SHPK: variants seen among roughly 807,000 people sequenced by gnomAD.
SHPK encodes carbohydrate kinase-like protein.
In SHPK, 51 loss-of-function variants were observed where a neutral mutation model predicts 46.3. That is an observed-to-expected ratio of 1.10 (90% CI 0.88 to 1.39). The LOEUF (loss-of-function observed/expected upper bound fraction) is 1.39. Ranked by LOEUF, SHPK falls within the 40% of genes most tolerant of loss-of-function variation. The pLI is 0.00. For synonymous variants in SHPK, 290 were observed against 273.9 expected (o/e 1.06, Z -0.58); for missense variants, 668 against 641.3 (o/e 1.04, Z -0.45).
At position 3,623,398 on chromosome 17, in the gene SHPK, G is replaced by A; in HGVS notation, c.588C>T (p.Asp196=). The change falls in exon 4 of 7, where the codon GAC becomes GAT. Residue 196 remains aspartate (D), a synonymous_variant. Coordinates refer to ENST00000225519, the MANE Select transcript of SHPK (RefSeq NM_013276.4). ...LCGLPRPLMS[D]QNAASWGYFN... is the part of the protein sequence containing the mutation. ...AATAGCCCCAGCTGGCAGCATTCTGGTCGGACATCAGAGGTCTTGGCAAGC... is the reference window on the plus strand; with the variant it reads ...AATAGCCCCAGCTGGCAGCATTCTGATCGGACATCAGAGGTCTTGGCAAGC... 6.2e-7 allele frequency: 1 copy of A among 1,614,186 alleles called. No individual in the cohort carries two copies. The highest frequency in any genetic ancestry group is 8.5e-7 in the Non-Finnish European group (1 of 1,179,998).
intron 1 of SHPK, among the ~76,000 whole-genome samples, chr17:3,635,574 T>C (rs1405988707): frequency 6.6e-6 from 1 of 152,116 alleles, no homozygotes; most frequent in East Asian, 1.9e-4. Context: ...TTCTGTGGAA[T>C]GAGCCAGGAG....
At chr17:3,627,673 A>C (rs1039566299) in intron 2 of SHPK, among the ~76,000 whole-genome samples, 2 of 151,674 alleles carry the variant, frequency 1.3e-5, no homozygotes, top group Non-Finnish European at 2.9e-5. Context: ...GCTCAATAAA[A>C]TATTAAGCAG....
intron 1 of SHPK, 108 bp from the exon 2 acceptor site, chr17:3,630,454 C>T (rs161361): frequency 0.39 from 452,400 of 1,152,906 alleles, 95,193 homozygotes; most frequent in East Asian, 0.68. Flanking sequence ...AGCATCCACT[C>T]CCTAACTTCA....
rs78347986 is a variant in SHPK, at chr17:3,609,861, G to A, written c.*699C>T. ...TCTCCTTCTCGCAACCTGCCTTCCA[G>A]GCAGTTGTGCTGTGAAGACCTGGGC... On this transcript the variant is annotated 3_prime_UTR_variant, in exon 7 of 7. Coordinates refer to ENST00000225519, the MANE Select transcript of SHPK (RefSeq NM_013276.4). The A allele has an allele frequency of 0.037, 5,603 of 152,746 alleles. 127 individuals are homozygous for A. The highest frequency in any genetic ancestry group is 0.082 in the Middle Eastern group (24 of 294). 9.5% of individuals were successfully genotyped at this position (152,746 alleles called of 1,614,324 possible).
At chr17:3,630,096 T>C (rs2075461126) in intron 2 of SHPK, 109 bp downstream of exon 2, 5 of 1,366,942 alleles carry the variant, frequency 3.7e-6, no homozygotes, top group Non-Finnish European at 5.2e-6. Flanking sequence ...AACAAGACCC[T>C]ATTCCCACTG....
chr17:3,611,810 T>G (rs1451981824), intron 6 of SHPK, among the ~76,000 whole-genome samples: 8 of 147,896 alleles, frequency 5.4e-5, no homozygotes, highest in Non-Finnish European at 1.2e-4. Context: ...TTTTTTTTTT[T>G]TTTTTTTTTT....
intron 5 of SHPK, among the ~76,000 whole-genome samples, chr17:3,620,075 T>C (rs1421890714): frequency 1.1e-4 from 17 of 152,240 alleles, no homozygotes. Flanking sequence ...ATATCGTCTA[T>C]GGCTGCTTTT....
At chr17:3,624,833 T>C (rs2075423865) in intron 2 of SHPK, among the ~76,000 whole-genome samples, 1 of 152,060 alleles carries the variant, frequency 6.6e-6, no homozygotes, top group African/African-American at 2.4e-5. Context: ...TTTTGGACTT[T>C]CAGTAGAGAC....
intron 3 of SHPK, 84 bp downstream of exon 3, chr17:3,623,964 A>G: frequency 1.5e-6 from 2 of 1,328,394 alleles, no homozygotes; most frequent in Non-Finnish European, 2.1e-6. Context: ...ACAGCCCAGC[A>G]GGCGGGGTGA....
chr17:3,630,949 C>T (rs2075467254), intron 1 of SHPK, among the ~76,000 whole-genome samples: 1 of 152,182 alleles, frequency 6.6e-6, no homozygotes, highest in African/African-American at 2.4e-5. Flanking sequence ...TAAATGTCAG[C>T]TCTTTGAGGA....
rs763612730 is a variant in SHPK at position 3,623,428 on chromosome 17, C to T, written c.558G>A (p.Leu186=). 22 of 1,614,194 alleles carry T rather than the reference C, an allele frequency of 1.4e-5. 1 individual carries two copies. The highest frequency in any genetic ancestry group is 1.6e-4 in the Middle Eastern group (1 of 6,062). The part of the protein sequence containing the change: ...GTIHDYVVAM[L]CGLPRPLMSD... ...ACATCAGAGGTCTTGGCAAGCCACACAGCATGGCAACCACATAGTCGTGGA... is the reference window on the plus strand; with the variant it reads ...ACATCAGAGGTCTTGGCAAGCCACATAGCATGGCAACCACATAGTCGTGGA... Residue 186 remains leucine (L), a synonymous_variant, in exon 4 of 7, where the codon CTG becomes CTA. Transcript: ENST00000225519.
rs773119171 is a variant in SHPK, at chr17:3,615,346, C to T, written c.1015G>A (p.Ala339Thr). ...GTGGGCCACACCTTACCTAGATCTGCCATCCACTGAACCAGCATGTGGACG... is the reference window on the plus strand; with the variant it reads ...GTGGGCCACACCTTACCTAGATCTGTCATCCACTGAACCAGCATGTGGACG... Reference protein sequence around the residue: ...TFVHMLVQWMADLGLEVEEST... With the variant: ...TFVHMLVQWMTDLGLEVEEST... Residue 339 changes from alanine (A) to threonine (T), a missense_variant, in exon 6 of 7, where the codon GCA becomes ACA. Transcript: ENST00000225519. 3 of 1,614,086 alleles carry T rather than the reference C, an allele frequency of 1.9e-6. No individual in the cohort carries two copies. Among genetic ancestry groups the T allele is most frequent in the South Asian group, 2.2e-5 (2 of 91,084 alleles).
In SHPK at chr17:3,636,155, A is replaced by G. The variant is rs990768133; in HGVS notation, c.65T>C (p.Leu22Pro). 5 of 1,612,068 alleles carry G rather than the reference A, an allele frequency of 3.1e-6. No homozygotes were observed. The African/African-American group carries it at 5.3e-5, about 17-fold the overall frequency. The stretch of plus-strand genomic sequence containing the variant: ...GGATGGGTCGTCGGGCGCGGCCCTC[A>G]GCAGAGCTGCCTTCACAGATGTGGT... Reference protein sequence around the residue: ...LGTTSVKAALLRAAPDDPSGF... With the variant: ...LGTTSVKAALPRAAPDDPSGF... The change falls in exon 1 of 7, where the codon CTG becomes CCG. Residue 22 changes from leucine (L) to proline (P), a missense_variant. Coordinates refer to ENST00000225519, the MANE Select transcript of SHPK (RefSeq NM_013276.4).
In SHPK at chr17:3,623,674, G is replaced by A. The variant is rs115350282; in HGVS notation, c.495-183C>T. On this transcript the variant is annotated intron_variant, in intron 3 of 6. Coordinates refer to ENST00000225519, the MANE Select transcript of SHPK (RefSeq NM_013276.4). ...GGACCTCCCAGCTGCCCCAAGCAAAGCCAGCCTAAGTCAGCCCCAGGGGAA... is the reference window on the plus strand; with the variant it reads ...GGACCTCCCAGCTGCCCCAAGCAAAACCAGCCTAAGTCAGCCCCAGGGGAA... 3.3e-3 allele frequency among the ~76,000 whole-genome samples: 497 copies of A among 152,326 alleles called. 4 individuals carry two copies. The highest frequency in any genetic ancestry group is 0.011 in the African/African-American group (457 of 41,590).
At position 3,610,717 on chromosome 17, in the gene SHPK, AC is replaced by A; in HGVS notation, c.1279del (p.Val427Ter). ...QQLQEWGVER[V>X]MGSGSALSRN... ...GGACAGCGCACTCCCACTGCCCATC[AC>A]CCTCTCCACGCCCCACTCCTGGAGC... On this transcript the variant is annotated frameshift_variant, in exon 7 of 7. Transcript: ENST00000225519. LOFTEE classifies it high-confidence loss of function. 3.1e-6 allele frequency: 5 copies of A among 1,613,882 alleles called. No individual in the cohort carries two copies. Among genetic ancestry groups the A allele is most frequent in the Non-Finnish European group, 4.2e-6 (5 of 1,179,958 alleles).
chr17:3,616,697 A>T (rs1275440346), intron 5 of SHPK, among the ~76,000 whole-genome samples: 1 of 151,976 alleles, frequency 6.6e-6, no homozygotes, highest in Admixed American at 6.5e-5. Context: ...AGTGAATACT[A>T]CTCTTGCTCA....
In SHPK at chr17:3,610,377, G is replaced by T; in HGVS notation, c.*183C>A. 1 of 626,684 alleles carries T rather than the reference G, an allele frequency of 1.6e-6. No individual in the cohort carries two copies. The highest frequency in any genetic ancestry group is 2.7e-6 in the Non-Finnish European group (1 of 369,900). 38.8% of individuals were successfully genotyped at this position (626,684 alleles called of 1,614,324 possible). On this transcript the variant is annotated 3_prime_UTR_variant, in exon 7 of 7. Coordinates refer to ENST00000225519, the MANE Select transcript of SHPK (RefSeq NM_013276.4). ...GCACTCATTTGGGATCTGGCTGACG[G>T]CTCCTGGCTGCATTATTAGAGTATG...
chr17:3,623,380 C>T lies in SHPK; in HGVS notation c.606G>A (p.Trp202Ter). The part of the protein sequence containing the change: ...PLMSDQNAAS[W>*]GYFNTQSQSW... ...TTTGGCTCTGCGTGTTGAAATAGCCCCAGCTGGCAGCATTCTGGTCGGACA... is the reference window on the plus strand; with the variant it reads ...TTTGGCTCTGCGTGTTGAAATAGCCTCAGCTGGCAGCATTCTGGTCGGACA... The change falls in exon 4 of 7, where the codon TGG becomes TGA. Residue 202 changes from tryptophan (W) to a stop codon, truncating the protein, a stop_gained. Transcript: ENST00000225519. LOFTEE classifies it high-confidence loss of function. The T allele has an allele frequency of 1.9e-6, 3 of 1,614,188 alleles. No homozygotes were observed. Among genetic ancestry groups the T allele is most frequent in the Non-Finnish European group, 2.5e-6 (3 of 1,180,024 alleles).
intron 5 of SHPK, 81 bp downstream of exon 5, chr17:3,621,156 G>A: frequency 1.7e-6 from 2 of 1,186,898 alleles, no homozygotes; most frequent in Non-Finnish European, 2.3e-6. Context: ...AGCTCTGTGT[G>A]CCCTGCAGAC....
Sources: gnomAD v4.1 joint callset for allele counts (sites outside exome capture counted in the v4.1 genomes callset) on GRCh38, gnomAD v4.1.1 for gene constraint, MANE v1.5 for transcripts, NCBI Gene and HGNC (gene_info 2026-07-23, HGNC 2026-07-21) for gene names.